UTP4: variants seen among roughly 807,000 people sequenced by gnomAD.
The protein encoded by UTP4 is UTP4 small subunit processome component, also known as U3 small nucleolar RNA-associated protein 4 homolog.
Under a neutral mutation model 82.4 loss-of-function variants are expected in UTP4, and 45 were observed. The observed-to-expected ratio is 0.55, with a 90% CI of 0.43 to 0.70. UTP4 has a LOEUF of 0.70. Among genes scored for constraint, UTP4 ranks in the 30% least tolerant of loss-of-function variants. UTP4 has a pLI of 0.00. For synonymous variants in UTP4, 348 were observed against 300.3 expected (o/e 1.16, Z -1.64); for missense variants, 819 against 858.3 (o/e 0.95, Z 0.57).
Position 69,168,988 on chromosome 16 carries a change from C to A in UTP4, c.*51C>A. 1.8e-6 allele frequency: 2 copies of A among 1,112,840 alleles called. No homozygotes were observed. The highest frequency in any genetic ancestry group is 1.2e-5 in the South Asian group (1 of 81,118). The allele number at this position is 1,112,840 out of a possible 1,614,324, so 68.9% of individuals were successfully genotyped here. A position where few individuals can be genotyped will look rare whatever the true frequency, so the allele number is the denominator to read the frequency against. ...TTGAACTGTCTACCCTGTTGCTTTT[C>A]ACAAATCATGGTAATAAAACAAGTT... On this transcript the variant is annotated 3_prime_UTR_variant, in exon 17 of 17. Transcript: ENST00000314423.
At position 69,133,486 on chromosome 16, in the gene UTP4, A is replaced by G; in HGVS notation, c.27A>G (p.Val9=). The change falls in exon 2 of 17, where the codon GTA becomes GTG. Residue 9 remains valine, a synonymous_variant. Transcript: ENST00000314423. The part of the protein sequence containing the change: MGEFKVHR[V]RFFNYVPSGI... Reference sequence around the variant, plus strand: ...TGGGTGAATTTAAGGTCCATCGAGTACGTTTCTTTAATTATGTTCCATCAG... The same window carrying G: ...TGGGTGAATTTAAGGTCCATCGAGTGCGTTTCTTTAATTATGTTCCATCAG... 6.2e-7 allele frequency: 1 copy of G among 1,614,174 alleles called. No individual in the cohort carries two copies. The highest frequency in any genetic ancestry group is 8.5e-7 in the Non-Finnish European group (1 of 1,180,020).
Position 69,167,413 on chromosome 16 carries a change from TAA to T in UTP4, c.1944+229_1944+230del, listed in dbSNP as rs552410002. On this transcript the variant is annotated intron_variant, in intron 16 of 16. Coordinates refer to ENST00000314423, the MANE Select transcript of UTP4 (RefSeq NM_032830.3). ...TCATACTTAACCAAAATGAAATGCG[TAA>T]GTAGTGAGAAATGTTGGCGCTGAGG... 4,313 of 528,646 alleles carry T rather than the reference TAA, an allele frequency of 8.2e-3. 31 individuals are homozygous for T. The highest frequency in any genetic ancestry group is 0.017 in the Middle Eastern group (33 of 1,934). 32.7% of individuals were successfully genotyped at this position (528,646 alleles called of 1,614,324 possible).
chr16:69,138,090 A>G, intron 4 of UTP4: 1 of 558,108 alleles, frequency 1.8e-6, no homozygotes, highest in South Asian at 2.4e-5. Flanking sequence ...GTAATAATAT[A>G]GAAAACCAGA....
intron 10 of UTP4, 33 bp downstream of exon 10, chr16:69,154,490 A>T: frequency 6.8e-7 from 1 of 1,476,556 alleles, no homozygotes; most frequent in Non-Finnish European, 9.5e-7. Flanking sequence ...TGAATTCTAG[A>T]GCCTGAATTC....
chr16:69,133,008 G>A, intron 1 of UTP4: 2 of 251,824 alleles, frequency 7.9e-6, no homozygotes, highest in Non-Finnish European at 1.6e-5. Flanking sequence ...GGGGGACGGG[G>A]TAGGGTAAGT....
chr16:69,157,562 C>G (rs1963452966), intron 12 of UTP4, among the ~76,000 whole-genome samples: 1 of 152,130 alleles, frequency 6.6e-6, no homozygotes, highest in Admixed American at 6.6e-5. Flanking sequence ...CCAGAAATAG[C>G]TACCATTAAT....
intron 14 of UTP4, among the ~76,000 whole-genome samples, chr16:69,164,586 T>TTATATATATATATATA (rs58927210): frequency 3.8e-5 from 5 of 132,504 alleles, no homozygotes; most frequent in East Asian, 2.3e-4. Context: ...TAATCATTCT[T>TTATATATATATATATA]TATATATATA....
intron 6 of UTP4, among the ~76,000 whole-genome samples, chr16:69,150,318 GACGT>G (rs1330291334): frequency 1.3e-5 from 2 of 152,150 alleles, no homozygotes; most frequent in African/African-American, 4.8e-5. Context: ...CTGTACTGTA[GACGT>G]TAATTTTGTC....
chr16:69,151,843 G>A (rs1341945700), intron 8 of UTP4, among the ~76,000 whole-genome samples: 1 of 151,336 alleles, frequency 6.6e-6, no homozygotes, highest in Non-Finnish European at 1.5e-5. Context: ...TTCAGGGTAG[G>A]CTCTATTCTG....
intron 10 of UTP4, 52 bp downstream of exon 10, chr16:69,154,509 T>A (rs2152281411): frequency 2.4e-6 from 3 of 1,272,886 alleles, no homozygotes; most frequent in Non-Finnish European, 3.4e-6. Context: ...TCTAGGCTCA[T>A]AATTCCCATT....
intron 6 of UTP4, among the ~76,000 whole-genome samples, chr16:69,144,076 T>TG (rs1375592759): frequency 6.6e-6 from 1 of 151,286 alleles, no homozygotes; most frequent in Non-Finnish European, 1.5e-5. Context: ...TTAGTAGAGA[T>TG]GGGGTTTCAC....
chr16:69,167,911 G>A (rs1259644706), intron 16 of UTP4: 1 of 152,240 alleles, frequency 6.6e-6, no homozygotes, highest in African/African-American at 2.4e-5. Context: ...CTGCTCAAGA[G>A]GCTGAGATGG....
chr16:69,139,996 C>A, intron 5 of UTP4, 82 bp downstream of exon 5: 1 of 964,108 alleles, frequency 1.0e-6, no homozygotes, highest in South Asian at 1.3e-5. Context: ...GAGCCTTTGT[C>A]ATGGTTTCAT....
At chr16:69,155,204 CATT>C (rs1963379159) in intron 10 of UTP4, among the ~76,000 whole-genome samples, 1 of 152,036 alleles carries the variant, frequency 6.6e-6, no homozygotes, top group Admixed American at 6.6e-5. Flanking sequence ...GGCAGGGTCT[CATT>C]GTGTTATCCA....
At chr16:69,162,992 C>T in intron 13 of UTP4, 91 bp from the exon 14 acceptor site, 1 of 950,720 alleles carries the variant, frequency 1.1e-6, no homozygotes, top group Non-Finnish European at 1.7e-6. Context: ...TTATGAGGAG[C>T]AGTATTTAAA....
At chr16:69,150,505 A>T in intron 6 of UTP4, 32 bp from the exon 7 acceptor site, 10 of 1,613,500 alleles carry the variant, frequency 6.2e-6, no homozygotes, top group Non-Finnish European at 8.5e-6. Context: ...TGTTTTGCTT[A>T]CGTGTACCTC....
At chr16:69,143,524 T>C (rs926523155) in intron 6 of UTP4, 135 bp downstream of exon 6, 2 of 805,480 alleles carry the variant, frequency 2.5e-6, no homozygotes, top group Non-Finnish European at 4.2e-6. Flanking sequence ...TTTAGGAAAA[T>C]GCATCTGAAA....
At chr16:69,167,929 G>A (rs180905208) in intron 16 of UTP4, 1 of 152,318 alleles carries the variant, frequency 6.6e-6, no homozygotes, top group East Asian at 1.9e-4. Context: ...TGGGAGGATA[G>A]CTTGTGCTCA....
chr16:69,138,763 G>A (rs1384845177), intron 4 of UTP4, among the ~76,000 whole-genome samples: 3 of 152,094 alleles, frequency 2.0e-5, no homozygotes, highest in African/African-American at 7.2e-5. Flanking sequence ...AGCCATAGAC[G>A]ATACTGAAAC....
Sources: gnomAD v4.1 joint callset for allele counts (sites outside exome capture counted in the v4.1 genomes callset) on GRCh38, gnomAD v4.1.1 for gene constraint, MANE v1.5 for transcripts, NCBI Gene and HGNC (gene_info 2026-07-23, HGNC 2026-07-21) for gene names.